Variants in SV2B observed in about 807,000 individuals in gnomAD.
SV2B encodes the protein solute carrier family 22 member B2.
SV2B carries 41 observed loss-of-function variants against 73.9 expected under a neutral mutation model. The ratio of observed to expected loss-of-function variants is 0.56; its 90% CI spans 0.43 to 0.72. The LOEUF is 0.72. Among genes scored for constraint, SV2B ranks in the 30% least tolerant of loss-of-function variants. SV2B has a pLI of 0.00. For missense variants in SV2B, 764 were observed against 857.8 expected, an observed-to-expected ratio of 0.89 and a Z score of 1.37; for synonymous variants, 314 against 314.2, an observed-to-expected ratio of 1.00 and a Z score of 0.01.
chr15:91,248,357 AAGT>A (rs2047338178), intron 2 of SV2B, among the ~76,000 whole-genome samples: 1 of 152,190 alleles, frequency 6.6e-6, no homozygotes, highest in Non-Finnish European at 1.5e-5. Flanking sequence ...GTATGGCCTT[AAGT>A]AGTTTAATCA....
At chr15:91,263,749 T>C (rs566068121) in intron 6 of SV2B, among the ~76,000 whole-genome samples, 104 of 152,172 alleles carry the variant, frequency 6.8e-4, no homozygotes, top group Non-Finnish European at 1.3e-3. Context: ...AGCGTTTGGG[T>C]TGAATGGACT....
In SV2B at chr15:91,296,381, A is replaced by C. The variant is rs2049224204; in HGVS notation, c.*3829A>C. ...TAAGTTAAAGGTTTGTTTTACTCTC[A>C]TGTGAAGGGAATCTGGAGGAAGGAA... On this transcript the variant is annotated 3_prime_UTR_variant, in exon 13 of 13. Transcript: ENST00000394232. The C allele has an allele frequency of 6.6e-6, 1 of 152,274 alleles. No individual in the cohort carries two copies. Among genetic ancestry groups the C allele is most frequent in the Non-Finnish European group, 1.5e-5 (1 of 68,078 alleles). The allele number at this position is 152,274 out of a possible 1,614,324, so 9.4% of individuals were successfully genotyped here. A position where few individuals can be genotyped will look rare whatever the true frequency, so the allele number is the denominator to read the frequency against.
At chr15:91,203,671 G>C (rs1199060933) in intron 1 of SV2B, among the ~76,000 whole-genome samples, 1 of 152,222 alleles carries the variant, frequency 6.6e-6, no homozygotes, top group Non-Finnish European at 1.5e-5. Context: ...TCTTTGAGAA[G>C]AATGGAGGGT....
chr15:91,157,676 G>A lies in SV2B; in HGVS notation c.-392+57313G>A, dbSNP rs148770203. On this transcript the variant is annotated intron_variant, in intron 1 of 12. Transcript: ENST00000394232. ...AGGGAGGGGAGAACTGAGGCATAGG[G>A]AGGTTAATTAACTTGTACCAGGTCA... 5.1e-4 allele frequency among the ~76,000 whole-genome samples: 77 copies of A among 152,314 alleles called. 1 individual carries two copies. In the East Asian group the frequency reaches 0.012, roughly 24 times the overall value.
At chr15:91,191,367 G>A (rs974954427) in intron 1 of SV2B, among the ~76,000 whole-genome samples, 3 of 152,098 alleles carry the variant, frequency 2.0e-5, no homozygotes, top group Non-Finnish European at 2.9e-5. Context: ...ATCCTACTGA[G>A]ATAGTTTAGA....
chr15:91,213,325 G>C (rs2045927581), intron 1 of SV2B, among the ~76,000 whole-genome samples: 1 of 152,184 alleles, frequency 6.6e-6, no homozygotes, highest in Non-Finnish European at 1.5e-5. Flanking sequence ...CTGGCAGTGG[G>C]AGATGCAGTT....
At chr15:91,246,725 TC>T (rs2047243271) in intron 2 of SV2B, among the ~76,000 whole-genome samples, 2 of 151,624 alleles carry the variant, frequency 1.3e-5, no homozygotes, top group African/African-American at 2.4e-5. Flanking sequence ...CTCCTCCTCC[TC>T]CTCCTCCTCC....
At chr15:91,114,925 A>G (rs2042136504) in intron 1 of SV2B, among the ~76,000 whole-genome samples, 1 of 152,044 alleles carries the variant, frequency 6.6e-6, no homozygotes, top group South Asian at 2.1e-4. Flanking sequence ...TCCTCCAGCC[A>G]TTTTCTAGCT....
chr15:91,169,713 A>G (rs890686290), intron 1 of SV2B, among the ~76,000 whole-genome samples: 1 of 152,204 alleles, frequency 6.6e-6, no homozygotes, highest in Admixed American at 6.5e-5. Context: ...TCAGGTGGTG[A>G]TAAGTGACAC....
intron 1 of SV2B, among the ~76,000 whole-genome samples, chr15:91,208,341 G>C (rs2045721650): frequency 6.6e-6 from 1 of 152,084 alleles, no homozygotes. Context: ...GGGAATCATT[G>C]CTTTGTGATT....
intron 6 of SV2B, 62 bp downstream of exon 6, chr15:91,260,471 A>G: frequency 5.2e-6 from 7 of 1,354,442 alleles, no homozygotes; most frequent in Non-Finnish European, 7.1e-6. Context: ...TTGATTTACT[A>G]AAAAGTAATT....
chr15:91,230,233 C>A (rs1596634240), intron 2 of SV2B, among the ~76,000 whole-genome samples: 1 of 148,172 alleles, frequency 6.7e-6, no homozygotes, highest in Admixed American at 6.7e-5. Flanking sequence ...AGAGTGACAC[C>A]TTGTCTCATT....
chr15:91,168,698 G>T (rs750428879), intron 1 of SV2B, among the ~76,000 whole-genome samples: 3 of 152,048 alleles, frequency 2.0e-5, no homozygotes, highest in African/African-American at 4.8e-5. Context: ...CTGCTGTATT[G>T]GTTGTTCTTT....
chr15:91,268,399 G>T lies in SV2B; in HGVS notation c.1209-42G>T. 1 of 1,581,702 alleles carries T rather than the reference G, an allele frequency of 6.3e-7. No homozygotes were observed. The highest frequency in any genetic ancestry group is 1.1e-5 in the South Asian group (1 of 87,086). On this transcript the variant is annotated intron_variant, in intron 8 of 12. Transcript: ENST00000394232. This position sits in a 1 kb window ranked among gnomAD's most constrained non-coding sequence, Gnocchi z 4.4. Reference sequence around the variant, plus strand: ...GTGTAGACCCTGATCATGAAAGAATGAATCCTGTTGTTGTTGCAACCTTCT... The same window carrying T: ...GTGTAGACCCTGATCATGAAAGAATTAATCCTGTTGTTGTTGCAACCTTCT...
rs544478294 is a variant in SV2B at position 91,273,244 on chromosome 15, G to A, written c.1373+4639G>A. ...TGCAGCTTCTGGTTTCTTGATCCCAGAAAGTTGCCAAGGCTGGGTTCTAGC... is the reference window on the plus strand; with the variant it reads ...TGCAGCTTCTGGTTTCTTGATCCCAAAAAGTTGCCAAGGCTGGGTTCTAGC... On this transcript the variant is annotated intron_variant, in intron 9 of 12. Coordinates refer to ENST00000394232, the MANE Select transcript of SV2B (RefSeq NM_001323032.3). Among the ~76,000 whole-genome samples the A allele has an allele frequency of 2.5e-3, 378 of 152,288 alleles. 6 individuals are homozygous for A. The highest frequency in any genetic ancestry group is 2.2e-3 in the Non-Finnish European group (153 of 68,024).
At position 91,226,543 on chromosome 15, in the gene SV2B, C is replaced by G; in HGVS notation, c.280C>G (p.Gln94Glu). The part of the protein sequence containing the change: ...RLEDEEQLAH[Q>E]YETIMDECGH... ...GGAAGATGAGGAGCAGTTGGCCCAC[C>G]AGTACGAGACCATCATGGATGAGTG... is the stretch of plus-strand genomic sequence containing the variant. Residue 94 changes from glutamine (Q) to glutamate (E), a missense_variant, in exon 2 of 13, where the codon CAG becomes GAG. Transcript: ENST00000394232. 6.2e-7 allele frequency: 1 copy of G among 1,614,194 alleles called. No homozygotes were observed. The highest frequency in any genetic ancestry group is 8.5e-7 in the Non-Finnish European group (1 of 1,180,026).
In SV2B at chr15:91,299,081, T is replaced by C. The variant is rs2049349694; in HGVS notation, c.*6529T>C. 6.6e-6 allele frequency: 1 copy of C among 152,172 alleles called. No homozygotes were observed. Among genetic ancestry groups the C allele is most frequent in the Non-Finnish European group, 1.5e-5 (1 of 68,018 alleles). 9.4% of individuals were successfully genotyped at this position (152,172 alleles called of 1,614,324 possible). ...AGCTTGATTTAGTCACTCTAAAATG[T>C]GGGTGTGTATATATACATACATATA... On this transcript the variant is annotated 3_prime_UTR_variant, in exon 13 of 13. Coordinates refer to ENST00000394232, the MANE Select transcript of SV2B (RefSeq NM_001323032.3).
At chr15:91,188,526 A>T (rs2044869412) in intron 1 of SV2B, among the ~76,000 whole-genome samples, 1 of 152,050 alleles carries the variant, frequency 6.6e-6, no homozygotes, top group Admixed American at 6.5e-5. Context: ...CGTGTTGGCC[A>T]GGATGGTCTC....
Position 91,295,190 on chromosome 15 carries a change from T to C in SV2B, c.*2638T>C, listed in dbSNP as rs2049178090. On this transcript the variant is annotated 3_prime_UTR_variant, in exon 13 of 13. Coordinates refer to ENST00000394232, the MANE Select transcript of SV2B (RefSeq NM_001323032.3). ...GATGATGTATTTTATGATGCCCAGC[T>C]TGGAAATAGTTGCTTTCCATAGTCT... 1 of 152,446 alleles carries C rather than the reference T, an allele frequency of 6.6e-6. No homozygotes were observed. The highest frequency in any genetic ancestry group is 6.5e-5 in the Admixed American group (1 of 15,290). The allele number at this position is 152,446 out of a possible 1,614,324, so 9.4% of individuals were successfully genotyped here. A position where few individuals can be genotyped will look rare whatever the true frequency, so the allele number is the denominator to read the frequency against.
Sources: gnomAD v4.1 joint callset for allele counts (sites outside exome capture counted in the v4.1 genomes callset) on GRCh38, gnomAD v4.1.1 for gene constraint, Gnocchi (gnomAD v3.1) non-coding constraint, MANE v1.5 for transcripts, NCBI Gene and HGNC (gene_info 2026-07-23, HGNC 2026-07-21) for gene names.